The following CARS1 variants were observed in gnomAD, a reference collection of about 807,000 sequenced individuals.
CARS1 encodes the protein cysteine--tRNA ligase, cytoplasmic.
Under a neutral mutation model 106.2 loss-of-function variants are expected in CARS1, and 48 were observed. That is an observed-to-expected ratio of 0.45 (90% confidence interval 0.36 to 0.57). CARS1 has a LOEUF of 0.57. CARS1 is among the 20% of genes least tolerant of loss of function. CARS1 has a pLI of 0.00. For missense variants in CARS1, 968 were observed against 1,057.2 expected (o/e 0.92, Z 1.17); for synonymous variants, 409 against 403.4 (o/e 1.01, Z -0.17).
chr11:3,013,801 G>A (rs529955392), intron 17 of CARS1, among the ~76,000 whole-genome samples: 15 of 152,112 alleles, frequency 9.9e-5, no homozygotes, highest in East Asian at 3.9e-4. Context: ...TGCAGTGACC[G>A]GAGATTGCGC....
At position 3,005,441 on chromosome 11, in the gene CARS1, A is replaced by G; in HGVS notation, c.2150-8T>C. 1 of 1,611,882 alleles carries G rather than the reference A, an allele frequency of 6.2e-7. No homozygotes were observed. The highest frequency in any genetic ancestry group is 8.5e-7 in the Non-Finnish European group (1 of 1,178,126). The stretch of plus-strand genomic sequence containing the variant: ...TCACCACTGTGGGCAGTCCTGCAAA[A>G]TAAACTGCGTGTGAGAAGAGTCTGG... On this transcript the variant is annotated splice_polypyrimidine_tract_variant and splice_region_variant and intron_variant, in intron 19 of 22. Coordinates refer to ENST00000380525, the MANE Select transcript of CARS1 (RefSeq NM_001014437.3).
In CARS1 at chr11:3,022,201, G is replaced by A. The variant is rs1201109314; in HGVS notation, c.1154-1869C>T. ...CACCTGCTCCACCACTGTTCCTAGC[G>A]ATAGAATCTCTAACCCTGGACCTTT... is the stretch of plus-strand genomic sequence containing the variant. On this transcript the variant is annotated intron_variant, in intron 10 of 22. Transcript: ENST00000380525. The surrounding 1 kb of genome is among the most constrained non-coding windows in gnomAD (Gnocchi z 4.9). 2.0e-5 allele frequency among the ~76,000 whole-genome samples: 3 copies of A among 152,190 alleles called. No individual in the cohort carries two copies. Among genetic ancestry groups the A allele is most frequent in the Non-Finnish European group, 2.9e-5 (2 of 68,048 alleles).
At chr11:3,010,829 TCTC>T (rs1183152929) in intron 18 of CARS1, among the ~76,000 whole-genome samples, 1 of 152,212 alleles carries the variant, frequency 6.6e-6, no homozygotes, top group African/African-American at 2.4e-5. Flanking sequence ...AGGTGCAGCT[TCTC>T]CTAGAGGCTT....
chr11:3,017,964 G>C lies in CARS1; in HGVS notation c.1630-10C>G, dbSNP rs529004649. On this transcript the variant is annotated splice_polypyrimidine_tract_variant and intron_variant, in intron 14 of 22. Coordinates refer to ENST00000380525, the MANE Select transcript of CARS1 (RefSeq NM_001014437.3). This position sits in a 1 kb window ranked among gnomAD's most constrained non-coding sequence, Gnocchi z 4.9. Reference sequence around the variant, plus strand: ...CATTTAAGAAAAACTCCTGAAGTTAGAAAAATCAGTTTAACAGCATTTAGG... The same window carrying C: ...CATTTAAGAAAAACTCCTGAAGTTACAAAAATCAGTTTAACAGCATTTAGG... 8.1e-6 allele frequency: 13 copies of C among 1,597,748 alleles called. No homozygotes were observed. Among genetic ancestry groups the C allele is most frequent in the Non-Finnish European group, 1.1e-5 (13 of 1,166,354 alleles).
At position 3,050,835 on chromosome 11, in the gene CARS1, C is replaced by A. The variant is rs117794082; in HGVS notation, c.26-2834G>T. Among the ~76,000 whole-genome samples, 172 of 152,338 alleles carry A rather than the reference C, an allele frequency of 1.1e-3. 2 individuals carry two copies. The East Asian group carries it at 0.029, about 25-fold the overall frequency. On this transcript the variant is annotated intron_variant, in intron 1 of 22. Transcript: ENST00000380525. This position sits in a 1 kb window ranked among gnomAD's most constrained non-coding sequence, Gnocchi z 6.3. ...TGTCCATATGGCGCCCGCCTCTAGA[C>A]CCTGAGCCTGGCTGCTCTTTCTCTC...
In CARS1 at chr11:3,050,917, C is replaced by G. The variant is rs533692346; in HGVS notation, c.26-2916G>C. On this transcript the variant is annotated intron_variant, in intron 1 of 22. Coordinates refer to ENST00000380525, the MANE Select transcript of CARS1 (RefSeq NM_001014437.3). This position sits in a 1 kb window ranked among gnomAD's most constrained non-coding sequence, Gnocchi z 6.3. Reference sequence around the variant, plus strand: ...TTCTTTCCTTCACCATCTGCCCCACCGCTCCATCTACCTTATTCACTGCTC... The same window carrying G: ...TTCTTTCCTTCACCATCTGCCCCACGGCTCCATCTACCTTATTCACTGCTC... 6.6e-6 allele frequency among the ~76,000 whole-genome samples: 1 copy of G among 152,244 alleles called. No homozygotes were observed. The highest frequency in any genetic ancestry group is 1.9e-4 in the East Asian group (1 of 5,202).
In CARS1 at chr11:3,057,332, G is replaced by A. The variant is rs200233545; in HGVS notation, c.25+11C>T. The A allele has an allele frequency of 3.0e-5, 49 of 1,607,864 alleles. No individual in the cohort carries two copies. The highest frequency in any genetic ancestry group is 4.1e-5 in the Non-Finnish European group (48 of 1,177,582). ...CAGCCGCCCTCAGCCTGGCCCGGCC[G>A]CGCCGCTCACCCTGCTGCCCGGAGG... On this transcript the variant is annotated intron_variant, in intron 1 of 22. Transcript: ENST00000380525.
Position 3,040,658 on chromosome 11 carries a change from T to C in CARS1, c.455+238A>G. The C allele has an allele frequency of 2.9e-6, 2 of 681,130 alleles. No homozygotes were observed. Among genetic ancestry groups the C allele is most frequent in the Non-Finnish European group, 5.4e-6 (2 of 373,520 alleles). 42.2% of individuals were successfully genotyped at this position (681,130 alleles called of 1,614,324 possible). ...GAGTCCAGCATGTTAGCAGTGGGGC[T>C]ATGGACATTTTCTTTTTGGTGATCT... On this transcript the variant is annotated intron_variant, in intron 4 of 22. Coordinates refer to ENST00000380525, the MANE Select transcript of CARS1 (RefSeq NM_001014437.3). This position sits in a 1 kb window ranked among gnomAD's most constrained non-coding sequence, Gnocchi z 5.8.
At chr11:3,009,371 G>A (rs1228620136) in intron 18 of CARS1, 1 of 152,238 alleles carries the variant, frequency 6.6e-6, no homozygotes, top group African/African-American at 2.4e-5. Context: ...CACTCATGTA[G>A]GGTCCCTGGA....
Position 3,029,392 on chromosome 11 carries a change from G to C in CARS1, c.853C>G (p.Leu285Val). The C allele has an allele frequency of 1.2e-6, 2 of 1,614,106 alleles. No individual in the cohort carries two copies. The highest frequency in any genetic ancestry group is 1.7e-6 in the Non-Finnish European group (2 of 1,179,964). The change falls in exon 8 of 23, where the codon CTT becomes GTT. Residue 285 changes from leucine to valine, a missense_variant. Coordinates refer to ENST00000380525, the MANE Select transcript of CARS1 (RefSeq NM_001014437.3). This position sits in a 1 kb window ranked among gnomAD's most constrained non-coding sequence, Gnocchi z 5.9. ...DLLSDWLDST[L>V]GCDVTDNSIF... is the part of the protein sequence containing the mutation. ...GAATTGTCAGTGACATCACAGCCAA[G>C]TGTAGAATCCAGCCAGTCAGAGAGC...
chr11:3,042,540 T>C (rs1854605881), intron 2 of CARS1, among the ~76,000 whole-genome samples: 1 of 152,114 alleles, frequency 6.6e-6, no homozygotes, highest in South Asian at 2.1e-4. Context: ...TTTCTTTTGC[T>C]TTCTAATATT....
At position 3,005,404 on chromosome 11, in the gene CARS1, T is replaced by C. The variant is rs1849760048; in HGVS notation, c.2179A>G (p.Arg727Gly). 6.2e-7 allele frequency: 1 copy of C among 1,614,052 alleles called. No homozygotes were observed. Among genetic ancestry groups the C allele is most frequent in the Non-Finnish European group, 8.5e-7 (1 of 1,179,890 alleles). The part of the protein sequence containing the change: ...GLPTVVKLVD[R>G]NTLLKEREEK... Reference sequence around the variant, plus strand: ...TCTCTCTCTTTTAATAAGGTGTTTCTGTCTACCAGTTTCACCACTGTGGGC... The same window carrying C: ...TCTCTCTCTTTTAATAAGGTGTTTCCGTCTACCAGTTTCACCACTGTGGGC... Residue 727 changes from arginine to glycine, a missense_variant, in exon 20 of 23, where the codon AGA (arginine) becomes GGA (glycine). Coordinates refer to ENST00000380525, the MANE Select transcript of CARS1 (RefSeq NM_001014437.3).
At chr11:3,013,027 T>C (rs1850641266) in intron 17 of CARS1, among the ~76,000 whole-genome samples, 1 of 151,662 alleles carries the variant, frequency 6.6e-6, no homozygotes, top group Admixed American at 6.6e-5. Context: ...GTAGCTGGGA[T>C]TACAGGCAAG....
At chr11:3,025,340 G>T (rs1304420521) in intron 10 of CARS1, among the ~76,000 whole-genome samples, 1 of 152,144 alleles carries the variant, frequency 6.6e-6, no homozygotes, top group African/African-American at 2.4e-5. Context: ...TGATTCTCAT[G>T]CCTCAGCCTC....
At chr11:3,032,159 G>A (rs936680687) in intron 7 of CARS1, among the ~76,000 whole-genome samples, 4 of 150,470 alleles carry the variant, frequency 2.7e-5, no homozygotes, top group African/African-American at 4.9e-5. Context: ...TGCAACCTCC[G>A]CCTCCCGGGT....
intron 19 of CARS1, among the ~76,000 whole-genome samples, chr11:3,005,725 C>T (rs988933246): frequency 2.0e-5 from 3 of 149,628 alleles, no homozygotes; most frequent in Admixed American, 6.7e-5. Flanking sequence ...CTTTGCCTAT[C>T]GGGTTCAAGC....
intron 10 of CARS1, among the ~76,000 whole-genome samples, chr11:3,023,151 T>G (rs567663437): frequency 6.6e-6 from 1 of 152,178 alleles, no homozygotes; most frequent in Admixed American, 6.5e-5. Context: ...ATAGCAAAAT[T>G]CATCATAAAG....
rs766852447 is a variant in CARS1, at chr11:3,001,159, GA to G, written c.2450del (p.Leu817ProfsTer21). 6.2e-7 allele frequency: 1 copy of G among 1,613,956 alleles called. No homozygotes were observed. Among genetic ancestry groups the G allele is most frequent in the African/African-American group, 1.3e-5 (1 of 74,908 alleles). On this transcript the variant is annotated frameshift_variant, in exon 23 of 23. Coordinates refer to ENST00000380525, the MANE Select transcript of CARS1 (RefSeq NM_001014437.3). LOFTEE classifies it high-confidence loss of function. ...GGGCCATCTGCAGATATTCCTTGTA[GA>G]GCTTCTCCTGAGCCTCGAAGAGCTT... ...LKKLFEAQEK[L>X]YKEYLQMAQN... is the part of the protein sequence containing the mutation.
intron 19 of CARS1, among the ~76,000 whole-genome samples, chr11:3,006,608 G>A (rs776249543): frequency 2.6e-5 from 4 of 152,250 alleles, no homozygotes; most frequent in Non-Finnish European, 4.4e-5. Context: ...GTAGCAACAG[G>A]GGCAGCGGGC....
Sources: gnomAD v4.1 joint callset for allele counts (sites outside exome capture counted in the v4.1 genomes callset) on GRCh38, gnomAD v4.1.1 for gene constraint, Gnocchi (gnomAD v3.1) non-coding constraint, MANE v1.5 for transcripts, NCBI Gene and HGNC (gene_info 2026-07-23, HGNC 2026-07-21) for gene names.